The following PDE4B variants were observed in gnomAD, a reference collection of about 807,000 sequenced individuals.
PDE4B encodes phosphodiesterase 4B, also known as 3',5'-cyclic-AMP phosphodiesterase 4B.
Under a neutral mutation model 82.2 loss-of-function variants are expected in PDE4B, and 20 were observed. The observed-to-expected ratio is 0.24, with a 90% CI of 0.17 to 0.35. The LOEUF (loss-of-function observed/expected upper bound fraction) is 0.35, where lower values mean the gene tolerates loss of function less well. Among genes scored for constraint, PDE4B ranks in the 10% least tolerant of loss-of-function variants. The pLI is 1.00. For missense variants in PDE4B, 655 were observed against 907.2 expected, an observed-to-expected ratio of 0.72 and a Z score of 3.57; for synonymous variants, 320 against 318.9, an observed-to-expected ratio of 1.00 and a Z score of -0.04.
intron 3 of PDE4B, among the ~76,000 whole-genome samples, chr1:66,208,858 C>T (rs761821094): frequency 3.9e-5 from 6 of 152,100 alleles, no homozygotes; most frequent in Non-Finnish European, 2.9e-5. Context: ...CTTACCAAAA[C>T]TCTTTGAGGT....
intron 3 of PDE4B, among the ~76,000 whole-genome samples, chr1:66,167,863 T>C (rs1646765740): frequency 6.6e-6 from 1 of 152,216 alleles, no homozygotes. Context: ...TTCTTCATAA[T>C]CTAAAAACAA....
At position 65,869,795 on chromosome 1, in the gene PDE4B, G is replaced by GT. The variant is rs11320288; in HGVS notation, c.-70-43434dup. Among the ~76,000 whole-genome samples, 149 of 144,770 alleles carry GT rather than the reference G, an allele frequency of 1.0e-3. 1 individual carries two copies. The highest frequency in any genetic ancestry group is 3.1e-3 in the African/African-American group (124 of 39,742). The allele number at this position is 144,770 out of a possible 152,430, so 95.0% of individuals were successfully genotyped here. On this transcript the variant is annotated intron_variant, in intron 1 of 16. Transcript: ENST00000341517. The stretch of plus-strand genomic sequence containing the variant: ...TGCACTTATTACTTGGCTATACCAT[G>GT]TTTTTTTTTTTTTTTTAAATGGCAC...
chr1:66,347,600 A>T (rs1300571816), intron 8 of PDE4B, among the ~76,000 whole-genome samples: 1 of 152,202 alleles, frequency 6.6e-6, no homozygotes, highest in Non-Finnish European at 1.5e-5. Context: ...CCAGATTAAT[A>T]GGCTGTCCCA....
intron 16 of PDE4B, among the ~76,000 whole-genome samples, chr1:66,370,833 T>A (rs556503192): frequency 6.6e-6 from 1 of 151,708 alleles, no homozygotes; most frequent in Non-Finnish European, 1.5e-5. Flanking sequence ...TTGAAAATAG[T>A]CTCTAACATT....
At chr1:66,120,248 T>C (rs1645682577) in intron 3 of PDE4B, among the ~76,000 whole-genome samples, 1 of 152,202 alleles carries the variant, frequency 6.6e-6, no homozygotes. Flanking sequence ...TTTGATAAGC[T>C]GGTTCTGCAG....
chr1:66,029,070 A>G (rs1368436395), intron 3 of PDE4B, among the ~76,000 whole-genome samples: 1 of 152,216 alleles, frequency 6.6e-6, no homozygotes, highest in Non-Finnish European at 1.5e-5. Flanking sequence ...GCTTATAAAG[A>G]CATAACCAAG....
chr1:66,360,363 A>G (rs1662661296), intron 9 of PDE4B: 1 of 152,096 alleles, frequency 6.6e-6, no homozygotes, highest in Non-Finnish European at 1.5e-5. Context: ...CTTTGCTCTG[A>G]TGAAGTGTCC....
chr1:66,293,978 G>T (rs1363551920), intron 7 of PDE4B, among the ~76,000 whole-genome samples: 1 of 152,188 alleles, frequency 6.6e-6, no homozygotes, highest in East Asian at 1.9e-4. Context: ...GGCCAAGCTG[G>T]GCAAGTCCCC....
At chr1:66,361,137 GT>G (rs1248035612) in intron 9 of PDE4B, among the ~76,000 whole-genome samples, 1 of 152,002 alleles carries the variant, frequency 6.6e-6, no homozygotes, top group Non-Finnish European at 1.5e-5. Context: ...TTTTTTTTAA[GT>G]AAAAATAAGA....
chr1:65,838,201 C>T (rs1462859928), intron 1 of PDE4B, among the ~76,000 whole-genome samples: 2 of 151,706 alleles, frequency 1.3e-5, no homozygotes, highest in Non-Finnish European at 2.9e-5. Flanking sequence ...ATTTAGAGTC[C>T]GTAAGAACGG....
At chr1:66,031,765 G>T (rs896761464) in intron 3 of PDE4B, among the ~76,000 whole-genome samples, 15 of 151,920 alleles carry the variant, frequency 9.9e-5, no homozygotes, top group Non-Finnish European at 2.2e-4. Flanking sequence ...CTAGATCAGT[G>T]GTTTTCAAAG....
At chr1:66,313,430 T>C (rs751597806) in intron 7 of PDE4B, among the ~76,000 whole-genome samples, 5 of 152,204 alleles carry the variant, frequency 3.3e-5, no homozygotes, top group Non-Finnish European at 7.3e-5. Flanking sequence ...TTCTATTTCG[T>C]GGAGGGAATG....
At chr1:66,067,091 A>G (rs552055493) in intron 3 of PDE4B, among the ~76,000 whole-genome samples, 1 of 152,120 alleles carries the variant, frequency 6.6e-6, no homozygotes, top group African/African-American at 2.4e-5. Context: ...TCTATCATTT[A>G]TGGACATTTG....
intron 8 of PDE4B, chr1:66,354,305 A>T: frequency 1.4e-6 from 1 of 719,436 alleles, no homozygotes; most frequent in South Asian, 6.3e-5. Context: ...GTGGAGAGAG[A>T]GGGTTAAGGA....
intron 3 of PDE4B, among the ~76,000 whole-genome samples, chr1:66,081,822 CTCTCTCTCTCTGTGTGTGTG>C (rs1286643638): frequency 3.1e-5 from 4 of 128,168 alleles, no homozygotes; most frequent in Admixed American, 8.0e-5. Context: ...CTCTCTCTCT[CTCTCTCTCTCTGTGTGTGTG>C]TGTGTGTGTG....
At chr1:66,268,445 G>A (rs1455653251) in intron 7 of PDE4B, among the ~76,000 whole-genome samples, 4 of 151,952 alleles carry the variant, frequency 2.6e-5, no homozygotes, top group South Asian at 2.1e-4. Flanking sequence ...CAAAGCGGAC[G>A]GATCACGAGG....
At chr1:66,009,113 T>C (rs938001305) in intron 3 of PDE4B, among the ~76,000 whole-genome samples, 4 of 152,180 alleles carry the variant, frequency 2.6e-5, no homozygotes, top group Non-Finnish European at 4.4e-5. Context: ...GCCCTTGATG[T>C]AACATGTTCC....
intron 1 of PDE4B, among the ~76,000 whole-genome samples, chr1:65,899,264 G>C (rs530490647): frequency 7.9e-5 from 12 of 152,100 alleles, no homozygotes; most frequent in African/African-American, 2.9e-4. Context: ...AAACCACAAT[G>C]TGATACCACT....
chr1:66,319,016 G>A (rs1659207189), intron 7 of PDE4B, among the ~76,000 whole-genome samples: 1 of 152,218 alleles, frequency 6.6e-6, no homozygotes, highest in African/African-American at 2.4e-5. Flanking sequence ...GTTTGCAGAA[G>A]AAAATCAGTA....
Sources: gnomAD v4.1 joint callset for allele counts (sites outside exome capture counted in the v4.1 genomes callset) on GRCh38, gnomAD v4.1.1 for gene constraint, MANE v1.5 for transcripts, NCBI Gene and HGNC (gene_info 2026-07-23, HGNC 2026-07-21) for gene names.